The following QRSL1 variants were observed in gnomAD, a reference collection of about 807,000 sequenced individuals.
The protein encoded by QRSL1 is glutaminyl-tRNA amidotransferase subunit QRSL1.
A neutral mutation model predicts 61.6 loss-of-function variants in QRSL1; 54 were observed. That is an observed-to-expected ratio of 0.88 (90% CI 0.70 to 1.10). The LOEUF is 1.10. QRSL1 is among the 50% of genes least tolerant of loss of function. The pLI, the probability that QRSL1 is intolerant of heterozygous loss-of-function variation, is 0.00. For synonymous variants in QRSL1, 228 were observed against 225.7 expected, an observed-to-expected ratio of 1.01 and a Z score of -0.09; for missense variants, 505 against 622.6, an observed-to-expected ratio of 0.81 and a Z score of 2.01.
intron 1 of QRSL1, among the ~76,000 whole-genome samples, chr6:106,637,948 T>G (rs1776949374): frequency 6.6e-6 from 1 of 152,226 alleles, no homozygotes; most frequent in Admixed American, 6.5e-5. Flanking sequence ...CGGCACCATT[T>G]AAAGTGAATA....
chr6:106,656,438 G>T (rs1293168906), intron 9 of QRSL1, among the ~76,000 whole-genome samples: 4 of 152,210 alleles, frequency 2.6e-5, no homozygotes, highest in African/African-American at 9.6e-5. Context: ...AATTCAGAAT[G>T]ACTATGACTC....
chr6:106,663,906 C>T (rs1049434438), intron 10 of QRSL1, among the ~76,000 whole-genome samples: 24 of 152,064 alleles, frequency 1.6e-4, no homozygotes, highest in Non-Finnish European at 2.9e-5. Context: ...ATCTTGTTAA[C>T]ATTATATTTG....
rs552791720 is a variant in QRSL1, at chr6:106,665,516, A to T, written c.1367-266A>T. On this transcript the variant is annotated intron_variant, in intron 10 of 10. Transcript: ENST00000369046. ...ATACCCAACCACAGAAGACTGGTTT[A>T]CTCAATTATGGTAAAACCAAGTAAT... Among the ~76,000 whole-genome samples the T allele has an allele frequency of 1.1e-4, 17 of 152,358 alleles. No individual in the cohort carries two copies. In the South Asian group the frequency reaches 3.5e-3, roughly 32 times the overall value.
At chr6:106,659,613 T>A (rs1156446374) in intron 9 of QRSL1, among the ~76,000 whole-genome samples, 2 of 152,262 alleles carry the variant, frequency 1.3e-5, no homozygotes, top group African/African-American at 4.8e-5. Context: ...CTGTATATTG[T>A]GAATTTTACA....
chr6:106,639,128 T>TTG (rs1562165095), intron 1 of QRSL1, among the ~76,000 whole-genome samples: 1 of 139,926 alleles, frequency 7.1e-6, no homozygotes, highest in African/African-American at 2.8e-5. Context: ...TGTTTTTTTT[T>TTG]TTTTTTTTTT....
rs763368768 is a variant in QRSL1 at position 106,647,877 on chromosome 6, C to G, written c.381-1148C>G. 2.8e-3 allele frequency among the ~76,000 whole-genome samples: 419 copies of G among 150,606 alleles called. 3 individuals are homozygous for G. Among genetic ancestry groups the G allele is most frequent in the Non-Finnish European group, 4.9e-3 (328 of 67,624 alleles). ...GTGTTATCCAGGATGGTCTCGATCT[C>G]CTGACCTCGTGTTCCGCCCTCCTCG... On this transcript the variant is annotated intron_variant, in intron 4 of 10. Transcript: ENST00000369046.
chr6:106,643,157 T>G, intron 4 of QRSL1, 67 bp downstream of exon 4: 1 of 1,095,514 alleles, frequency 9.1e-7, no homozygotes, highest in Non-Finnish European at 1.4e-6. Flanking sequence ...TAAATGTAGT[T>G]ACCTAAAAGG....
intron 9 of QRSL1, among the ~76,000 whole-genome samples, chr6:106,660,331 C>T (rs1328530851): frequency 8.4e-6 from 1 of 118,706 alleles, no homozygotes; most frequent in Non-Finnish European, 1.9e-5. Context: ...ACACTCCCCA[C>T]CCCCCCCGTG....
intron 9 of QRSL1, among the ~76,000 whole-genome samples, chr6:106,660,547 C>A (rs781506412): frequency 5.3e-4 from 81 of 151,848 alleles, no homozygotes; most frequent in Non-Finnish European, 1.1e-3. Context: ...TGAAAATGGT[C>A]ATTTCATATA....
At chr6:106,640,240 C>A (rs778815815) in intron 1 of QRSL1, 109 bp from the exon 2 acceptor site, 15 of 951,160 alleles carry the variant, frequency 1.6e-5, no homozygotes, top group Non-Finnish European at 2.3e-5. Flanking sequence ...ACCCAAGCCT[C>A]ACTTTAAAAT....
intron 3 of QRSL1, among the ~76,000 whole-genome samples, chr6:106,641,830 G>T (rs1022224726): frequency 6.6e-6 from 1 of 152,152 alleles, no homozygotes; most frequent in Non-Finnish European, 1.5e-5. Context: ...AAAATACTGG[G>T]TACATCTCTG....
rs190144406 is a variant in QRSL1 at position 106,634,951 on chromosome 6, A to T, written c.24+5246A>T. On this transcript the variant is annotated intron_variant, in intron 1 of 10. Transcript: ENST00000369046. ...AGGGCAGTTGGGGAAATGTGACATCAAGATGGGAAAACCTTAAAGGGAACA... is the reference window on the plus strand; with the variant it reads ...AGGGCAGTTGGGGAAATGTGACATCTAGATGGGAAAACCTTAAAGGGAACA... 3.4e-3 allele frequency among the ~76,000 whole-genome samples: 511 copies of T among 152,202 alleles called. 5 individuals are homozygous for T. Among genetic ancestry groups the T allele is most frequent in the African/African-American group, 0.012 (479 of 41,532 alleles).
rs757923935 is a variant in QRSL1 at position 106,655,650 on chromosome 6, A to G, written c.1078A>G (p.Met360Val). ...TGACATTGATGTGTCCACTGAAGCCATGTATGCTGCAACCAGACGAGAAGG... is the reference window on the plus strand; with the variant it reads ...TGACATTGATGTGTCCACTGAAGCCGTGTATGCTGCAACCAGACGAGAAGG... The part of the protein sequence containing the change: ...RCDIDVSTEA[M>V]YAATRREGFN... Residue 360 changes from methionine (M) to valine (V), a missense_variant, in exon 9 of 11, where the codon ATG becomes GTG. Met to Val is a conservative substitution (Grantham distance 21, BLOSUM62 1). Coordinates refer to ENST00000369046, the MANE Select transcript of QRSL1 (RefSeq NM_018292.5). 15 of 1,613,196 alleles carry G rather than the reference A, an allele frequency of 9.3e-6. No individual in the cohort carries two copies. The highest frequency in any genetic ancestry group is 1.7e-4 in the Middle Eastern group (1 of 5,894).
At chr6:106,652,648 A>G (rs750552719) in intron 7 of QRSL1, 66 bp downstream of exon 7, 1 of 1,603,504 alleles carries the variant, frequency 6.2e-7, no homozygotes, top group South Asian at 1.1e-5. Flanking sequence ...CAGACTTGGG[A>G]GGCGGATTGG....
intron 4 of QRSL1, among the ~76,000 whole-genome samples, chr6:106,647,357 A>G (rs1777124644): frequency 6.6e-6 from 1 of 151,682 alleles, no homozygotes; most frequent in Admixed American, 6.6e-5. Context: ...AATCACAGTG[A>G]GCTTGGGCAC....
chr6:106,642,911 T>TG (rs1777045201), intron 3 of QRSL1, 83 bp from the exon 4 acceptor site: 1 of 988,412 alleles, frequency 1.0e-6, no homozygotes, highest in East Asian at 2.4e-5. Context: ...GCCTATTCCC[T>TG]GTGAATTCAT....
rs760227758 is a variant in QRSL1 at position 106,649,202 on chromosome 6, G to GT, written c.557+2dup. ...CTGTATCGGCGTTCACATGCTACGC[G>GT]TAAGATGCTTTTCTCTATCTGTATT... On this transcript the variant is annotated splice_donor_variant, in intron 5 of 10. Coordinates refer to ENST00000369046, the MANE Select transcript of QRSL1 (RefSeq NM_018292.5). LOFTEE classifies it high-confidence loss of function. 1.8e-5 allele frequency: 29 copies of GT among 1,613,364 alleles called. No homozygotes were observed. Among genetic ancestry groups the GT allele is most frequent in the Non-Finnish European group, 2.5e-5 (29 of 1,179,796 alleles).
intron 7 of QRSL1, among the ~76,000 whole-genome samples, chr6:106,654,349 CAAA>C (rs528316129): frequency 2.0e-5 from 2 of 101,652 alleles, no homozygotes; most frequent in Non-Finnish European, 4.1e-5. Flanking sequence ...GACTCCGTCT[CAAA>C]AAAAAAAAAA....
intron 2 of QRSL1, among the ~76,000 whole-genome samples, 154 bp downstream of exon 2, chr6:106,640,662 T>C (rs915723943): frequency 6.6e-6 from 1 of 152,246 alleles, no homozygotes; most frequent in Non-Finnish European, 1.5e-5. Context: ...GTAATGGCTA[T>C]GTGATGCTTC....
Sources: allele counts gnomAD v4.1 joint callset (sites outside exome capture counted in the v4.1 genomes callset), GRCh38; gene constraint gnomAD v4.1.1; transcripts MANE v1.5; gene names NCBI Gene and HGNC (gene_info 2026-07-23, HGNC 2026-07-21).